PTPRN2: variants seen among roughly 807,000 people sequenced by gnomAD.
PTPRN2 encodes protein tyrosine phosphatase receptor type N2, also known as receptor-type tyrosine-protein phosphatase N2.
A neutral mutation model predicts 118.8 loss-of-function variants in PTPRN2; 74 were observed. That is an observed-to-expected ratio of 0.62 (90% CI 0.52 to 0.76). The LOEUF (loss-of-function observed/expected upper bound fraction) is 0.76, where lower values mean the gene tolerates loss of function less well. PTPRN2 is among the 30% of genes least tolerant of loss of function. The pLI is 0.00. For missense variants in PTPRN2, 1,481 were observed against 1,394.4 expected (o/e 1.06, Z -0.99); for synonymous variants, 641 against 608.0 (o/e 1.05, Z -0.80).
At chr7:158,268,201 G>C in intron 3 of PTPRN2, among the ~76,000 whole-genome samples, 1 of 152,212 alleles carries the variant, frequency 6.6e-6, no homozygotes, top group East Asian at 1.9e-4. Flanking sequence ...AAGCATCAGA[G>C]CCGCGGCCGC....
chr7:158,448,456 C>T (rs1327365703), intron 2 of PTPRN2, among the ~76,000 whole-genome samples: 3 of 151,720 alleles, frequency 2.0e-5, no homozygotes, highest in African/African-American at 4.8e-5. Context: ...CAGAAGTCTC[C>T]GCAGACCCAG....
At chr7:158,327,438 C>T (rs1047253147) in intron 2 of PTPRN2, among the ~76,000 whole-genome samples, 5 of 151,944 alleles carry the variant, frequency 3.3e-5, no homozygotes, top group Non-Finnish European at 7.4e-5. Context: ...CACACATTCT[C>T]ACATGCACAC....
At chr7:158,528,334 G>A (rs1419978546) in intron 1 of PTPRN2, among the ~76,000 whole-genome samples, 2 of 152,186 alleles carry the variant, frequency 1.3e-5, no homozygotes, top group African/African-American at 4.8e-5. Context: ...ATGAACGCCA[G>A]GTGACGTCCC....
intron 12 of PTPRN2, among the ~76,000 whole-genome samples, chr7:157,877,696 G>A (rs1795863410): frequency 6.6e-6 from 1 of 152,218 alleles, no homozygotes; most frequent in Admixed American, 6.5e-5. Flanking sequence ...ACAGTGGGCT[G>A]GGGAACAGCC....
chr7:158,386,445 T>C (rs1173245363), intron 2 of PTPRN2, among the ~76,000 whole-genome samples: 1 of 151,972 alleles, frequency 6.6e-6, no homozygotes, highest in Non-Finnish European at 1.5e-5. Flanking sequence ...CCTCCTCCCA[T>C]GGTGCAGGAG....
At chr7:158,002,177 G>C (rs555870777) in intron 11 of PTPRN2, among the ~76,000 whole-genome samples, 1 of 152,212 alleles carries the variant, frequency 6.6e-6, no homozygotes, top group Non-Finnish European at 1.5e-5. Flanking sequence ...GCGGGGGCTT[G>C]AGGCAAGCAG....
chr7:157,643,582 G>A lies in PTPRN2; in HGVS notation c.2196+12775C>T, dbSNP rs6951509. Among the ~76,000 whole-genome samples, 732 of 152,274 alleles carry A rather than the reference G, an allele frequency of 4.8e-3. 6 individuals carry two copies. The highest frequency in any genetic ancestry group is 0.017 in the African/African-American group (690 of 41,554). The stretch of plus-strand genomic sequence containing the variant: ...TGCAGGACGGGCACACCCACGGCCC[G>A]GGCATCCCAGGGAAATCCAGAACCA... On this transcript the variant is annotated intron_variant, in intron 14 of 22. Coordinates refer to ENST00000389418, the MANE Select transcript of PTPRN2 (RefSeq NM_002847.5).
chr7:158,042,760 G>A (rs552986984), intron 11 of PTPRN2, among the ~76,000 whole-genome samples: 2 of 152,308 alleles, frequency 1.3e-5, no homozygotes, highest in South Asian at 4.1e-4. Context: ...TCAGGGCCAG[G>A]GTGACGAGCA....
chr7:157,675,273 C>T (rs1796612220), intron 13 of PTPRN2, among the ~76,000 whole-genome samples: 1 of 152,206 alleles, frequency 6.6e-6, no homozygotes, highest in African/African-American at 2.4e-5. Context: ...TTCCCTCCTG[C>T]CGAGCCCTCA....
intron 12 of PTPRN2, among the ~76,000 whole-genome samples, chr7:157,769,401 C>T (rs73744879): frequency 0.013 from 1,973 of 152,086 alleles, 36 homozygotes; most frequent in African/African-American, 0.044. Flanking sequence ...CCCTCATTGT[C>T]GGGGGGGCAG....
At chr7:158,561,559 T>G (rs1342364044) in intron 1 of PTPRN2, among the ~76,000 whole-genome samples, 1 of 152,268 alleles carries the variant, frequency 6.6e-6, no homozygotes, top group Non-Finnish European at 1.5e-5. Context: ...TGATAATTCA[T>G]TGGCTTCTGC....
chr7:158,078,353 C>T (rs1239442577), intron 11 of PTPRN2, among the ~76,000 whole-genome samples: 1 of 152,194 alleles, frequency 6.6e-6, no homozygotes, highest in Admixed American at 6.5e-5. Flanking sequence ...GTGCAGGCAG[C>T]ACCCAGCACT....
chr7:157,896,569 G>T (rs761122256), intron 12 of PTPRN2, among the ~76,000 whole-genome samples: 1 of 151,638 alleles, frequency 6.6e-6, no homozygotes, highest in African/African-American at 2.4e-5. Flanking sequence ...CCATGCTCAC[G>T]TGTGCGTGGG....
intron 13 of PTPRN2, among the ~76,000 whole-genome samples, chr7:157,679,423 A>G (rs1286810348): frequency 6.6e-6 from 1 of 152,218 alleles, no homozygotes; most frequent in Non-Finnish European, 1.5e-5. Context: ...AGTGTCAAAA[A>G]TATGAGAGTC....
At chr7:157,566,894 C>G (rs922101537) in intron 21 of PTPRN2, among the ~76,000 whole-genome samples, 1 of 152,270 alleles carries the variant, frequency 6.6e-6, no homozygotes, top group Non-Finnish European at 1.5e-5. Flanking sequence ...GGCCGCCTGC[C>G]TGTGCTTCTG....
At chr7:158,268,050 A>T (rs1234204033) in intron 3 of PTPRN2, among the ~76,000 whole-genome samples, 2 of 152,194 alleles carry the variant, frequency 1.3e-5, no homozygotes, top group African/African-American at 2.4e-5. Context: ...TCGTGGTGTG[A>T]CAGCCCATTT....
At chr7:157,608,074 C>CT (rs891089094) in intron 15 of PTPRN2, among the ~76,000 whole-genome samples, 8 of 152,128 alleles carry the variant, frequency 5.3e-5, no homozygotes, top group South Asian at 4.2e-4. Context: ...CCAGCGAAGT[C>CT]TTTTTTTTAA....
At chr7:158,267,091 C>G (rs891568315) in intron 3 of PTPRN2, among the ~76,000 whole-genome samples, 1 of 152,264 alleles carries the variant, frequency 6.6e-6, no homozygotes. Context: ...ACACCCGCGG[C>G]AGGTCCCGCC....
At chr7:158,086,412 A>C (rs1813415928) in intron 10 of PTPRN2, among the ~76,000 whole-genome samples, 1 of 152,208 alleles carries the variant, frequency 6.6e-6, no homozygotes, top group Non-Finnish European at 1.5e-5. Context: ...TGGTCTGTTA[A>C]AGGCATGAGC....
Sources: gnomAD v4.1 joint callset for allele counts (sites outside exome capture counted in the v4.1 genomes callset) on GRCh38, gnomAD v4.1.1 for gene constraint, MANE v1.5 for transcripts, NCBI Gene and HGNC (gene_info 2026-07-23, HGNC 2026-07-21) for gene names.